RMDN2: variants seen among roughly 807,000 people sequenced by gnomAD.
The protein encoded by RMDN2 is regulator of microtubule dynamics 2, also known as regulator of microtubule dynamics protein 2.
In RMDN2, 61 loss-of-function variants were observed where a neutral mutation model predicts 52.8. The observed-to-expected ratio is 1.16, with a 90% CI of 0.94 to 1.43. The LOEUF is 1.43. Ranked by LOEUF, RMDN2 falls within the 40% of genes most tolerant of loss-of-function variation. The pLI, the probability that RMDN2 is intolerant of heterozygous loss-of-function variation, is 0.00. For synonymous variants in RMDN2, 180 were observed against 153.1 expected (o/e 1.18, Z -1.30); for missense variants, 592 against 475.3 (o/e 1.25, Z -2.28).
intron 2 of RMDN2, chr2:37,951,762 A>G (rs200509230): frequency 5.1e-5 from 82 of 1,613,104 alleles, no homozygotes; most frequent in Non-Finnish European, 6.6e-5. Flanking sequence ...TCCTGAATAT[A>G]ACACTAAAAA....
intron 7 of RMDN2, among the ~76,000 whole-genome samples, chr2:37,992,410 A>G (rs1270343469): frequency 6.6e-6 from 1 of 152,226 alleles, no homozygotes; most frequent in Non-Finnish European, 1.5e-5. Flanking sequence ...AATTTTTATA[A>G]CCTACTTAAT....
At chr2:38,008,839 G>T (rs1215532643) in intron 10 of RMDN2, among the ~76,000 whole-genome samples, 1 of 152,176 alleles carries the variant, frequency 6.6e-6, no homozygotes, top group Non-Finnish European at 1.5e-5. Context: ...GCAGTGGCTG[G>T]TACCGGTTGT....
At chr2:38,013,527 G>A (rs556158622) in intron 10 of RMDN2, among the ~76,000 whole-genome samples, 1 of 152,200 alleles carries the variant, frequency 6.6e-6, no homozygotes, top group Admixed American at 6.5e-5. Context: ...ATGGCCTGTT[G>A]ATTAAAGTTT....
At chr2:38,019,998 A>G (rs1679220573), downstream of RMDN2, among the ~76,000 whole-genome samples, 1 of 152,162 alleles carries the variant, frequency 6.6e-6, no homozygotes, top group Non-Finnish European at 1.5e-5. Context: ...ATAATTGCTA[A>G]ATAGCTAAAA....
intron 2 of RMDN2, chr2:37,950,656 A>T (rs1373905585): frequency 6.6e-7 from 1 of 1,520,244 alleles, no homozygotes; most frequent in East Asian, 2.3e-5. Flanking sequence ...TTCATAAACG[A>T]AGCTTTAGTG....
chr2:38,000,367 G>A (rs886490405), intron 8 of RMDN2, among the ~76,000 whole-genome samples: 1 of 152,144 alleles, frequency 6.6e-6, no homozygotes, highest in Non-Finnish European at 1.5e-5. Flanking sequence ...GCAATAAATT[G>A]TACCCATTTT....
chr2:37,921,462 G>C (rs1428779920), upstream of RMDN2, among the ~76,000 whole-genome samples: 1 of 152,128 alleles, frequency 6.6e-6, no homozygotes, highest in African/African-American at 2.4e-5. Flanking sequence ...TAAACACAAA[G>C]TAATTTTATA....
chr2:37,967,587 T>C (rs959532768), intron 2 of RMDN2, among the ~76,000 whole-genome samples: 1 of 152,244 alleles, frequency 6.6e-6, no homozygotes, highest in African/African-American at 2.4e-5. Context: ...TGACATCTAC[T>C]TATTATGAAA....
Position 37,958,666 on chromosome 2 carries a change from A to G in RMDN2, c.453-15374A>G, listed in dbSNP as rs181657197. On this transcript the variant is annotated intron_variant, in intron 2 of 10. Coordinates refer to ENST00000354545, the MANE Select transcript of RMDN2 (RefSeq NM_001170791.3). ...CCTGGTTGCCCTGGCCAGAACTTCC[A>G]ATACTGTGTTGAATGGGAGTGGTGA... is the stretch of plus-strand genomic sequence containing the variant. 7.6e-4 allele frequency among the ~76,000 whole-genome samples: 114 copies of G among 150,956 alleles called. 7 individuals carry two copies. Among genetic ancestry groups the G allele is most frequent in the African/African-American group, 2.7e-3 (109 of 40,264 alleles).
chr2:37,998,407 T>A (rs1675861176), intron 8 of RMDN2: 3 of 152,038 alleles, frequency 2.0e-5, no homozygotes, highest in African/African-American at 7.3e-5. Context: ...ATAACAACAG[T>A]CCCAGCTACT....
chr2:37,971,400 A>T (rs1387052250), intron 2 of RMDN2, among the ~76,000 whole-genome samples: 1 of 152,126 alleles, frequency 6.6e-6, no homozygotes, highest in Non-Finnish European at 1.5e-5. Context: ...TTAAGAAATT[A>T]TTTCTGGACG....
intron 10 of RMDN2, among the ~76,000 whole-genome samples, chr2:38,034,718 T>C (rs1680458056): frequency 6.6e-6 from 1 of 150,780 alleles, no homozygotes; most frequent in African/African-American, 2.4e-5. Flanking sequence ...TATTTATATT[T>C]ATTTATTTAT....
At chr2:38,055,052 G>T (rs1036080544) in intron 10 of RMDN2, among the ~76,000 whole-genome samples, 1 of 152,128 alleles carries the variant, frequency 6.6e-6, no homozygotes, top group African/African-American at 2.4e-5. Context: ...TATCAGTTTT[G>T]TATTGCAAGC....
chr2:37,936,677 C>T (rs1667317350), intron 2 of RMDN2, among the ~76,000 whole-genome samples: 1 of 152,080 alleles, frequency 6.6e-6, no homozygotes, highest in South Asian at 2.1e-4. Context: ...ATTTGTTGGC[C>T]ACATAAATGT....
At chr2:37,987,527 G>C (rs990309421) in intron 5 of RMDN2, among the ~76,000 whole-genome samples, 1 of 152,166 alleles carries the variant, frequency 6.6e-6, no homozygotes, top group Non-Finnish European at 1.5e-5. Flanking sequence ...TGGTTGCCAG[G>C]GGTTGCGGGG....
intron 2 of RMDN2, chr2:37,952,350 T>G: frequency 1.5e-6 from 1 of 682,016 alleles, no homozygotes. Context: ...TACATTGCAG[T>G]GTAAATTTAA....
chr2:37,996,255 A>G (rs544384452), intron 7 of RMDN2, among the ~76,000 whole-genome samples: 2 of 152,182 alleles, frequency 1.3e-5, no homozygotes, highest in Admixed American at 6.5e-5. Flanking sequence ...CGAATAAGAA[A>G]AATTATGTCA....
At chr2:37,983,615 G>A (rs1673612681) in intron 5 of RMDN2, among the ~76,000 whole-genome samples, 4 of 152,124 alleles carry the variant, frequency 2.6e-5, no homozygotes, top group Admixed American at 2.6e-4. Flanking sequence ...ATATCCCACT[G>A]AATGCAAAAG....
intron 10 of RMDN2, among the ~76,000 whole-genome samples, chr2:38,041,427 GTTT>G (rs3057329): frequency 6.2e-4 from 74 of 120,078 alleles, no homozygotes; most frequent in African/African-American, 1.5e-3. Context: ...TTTTTTATTG[GTTT>G]TTTTTTTTTT....
Sources: allele counts gnomAD v4.1 joint callset (sites outside exome capture counted in the v4.1 genomes callset), GRCh38; gene constraint gnomAD v4.1.1; transcripts MANE v1.5; gene names NCBI Gene and HGNC (gene_info 2026-07-23, HGNC 2026-07-21).